The following SGCZ variants were observed in gnomAD, a reference collection of about 807,000 sequenced individuals.
SGCZ encodes the protein zeta-sarcoglycan.
SGCZ carries 40 observed loss-of-function variants against 41.3 expected under a neutral mutation model. The ratio of observed to expected loss-of-function variants is 0.97; its 90% CI spans 0.75 to 1.26. The LOEUF is 1.26. Ranked by LOEUF, SGCZ falls within the 50% of genes most tolerant of loss-of-function variation. SGCZ has a pLI of 0.00. For missense variants in SGCZ, 552 were observed against 369.8 expected (o/e 1.49, Z -4.04); for synonymous variants, 206 against 137.5 (o/e 1.50, Z -3.49).
At chr8:14,165,312 T>C (rs756588810) in intron 4 of SGCZ, 2 of 152,174 alleles carry the variant, frequency 1.3e-5, no homozygotes, top group Non-Finnish European at 2.9e-5. Context: ...ATCAATAATT[T>C]TCCTGATTTA....
At chr8:14,626,845 C>T (rs1190433549) in intron 1 of SGCZ, among the ~76,000 whole-genome samples, 2 of 152,120 alleles carry the variant, frequency 1.3e-5, no homozygotes, top group Non-Finnish European at 2.9e-5. Flanking sequence ...AATTCTATTG[C>T]TTAATCCACT....
chr8:15,165,206 G>C (rs1387955047), intron 1 of SGCZ, among the ~76,000 whole-genome samples: 1 of 152,116 alleles, frequency 6.6e-6, no homozygotes, highest in African/African-American at 2.4e-5. Context: ...AGAAATGCAT[G>C]AACCCGGGAG....
At chr8:15,225,810 T>C (rs145945722) in intron 1 of SGCZ, among the ~76,000 whole-genome samples, 3 of 152,330 alleles carry the variant, frequency 2.0e-5, no homozygotes, top group African/African-American at 7.2e-5. Context: ...CTCTGGAGAA[T>C]CATGAACAGG....
intron 2 of SGCZ, among the ~76,000 whole-genome samples, chr8:14,458,395 G>A (rs1027984526): frequency 2.6e-5 from 4 of 152,132 alleles, no homozygotes; most frequent in African/African-American, 9.7e-5. Flanking sequence ...AAGTAAAGTT[G>A]TTTCTCACAG....
At chr8:14,269,688 C>T (rs554159258) in intron 3 of SGCZ, among the ~76,000 whole-genome samples, 1 of 152,000 alleles carries the variant, frequency 6.6e-6, no homozygotes, top group Non-Finnish European at 1.5e-5. Context: ...TTCTGGAGGA[C>T]AAAATGCTAT....
intron 2 of SGCZ, among the ~76,000 whole-genome samples, chr8:14,330,609 G>A (rs1438490605): frequency 6.6e-6 from 1 of 151,530 alleles, no homozygotes; most frequent in South Asian, 2.1e-4. Flanking sequence ...AATTTAAAAT[G>A]ACTGTTTAAA....
At chr8:14,918,678 C>T (rs142480356) in intron 1 of SGCZ, among the ~76,000 whole-genome samples, 209 of 152,236 alleles carry the variant, frequency 1.4e-3, no homozygotes, top group African/African-American at 4.8e-3. Flanking sequence ...GACTCAACAA[C>T]CAATAATTTT....
chr8:15,061,067 C>T (rs1017298473), intron 1 of SGCZ, among the ~76,000 whole-genome samples: 1 of 151,632 alleles, frequency 6.6e-6, no homozygotes, highest in Non-Finnish European at 1.5e-5. Flanking sequence ...TCGTTGTTCC[C>T]TAGTTCTTCA....
intron 2 of SGCZ, 116 bp from the exon 3 acceptor site, chr8:14,324,320 G>A: frequency 2.8e-6 from 2 of 726,076 alleles, no homozygotes; most frequent in East Asian, 5.3e-5. Flanking sequence ...ATGATTTAAG[G>A]AAAATGAGAG....
Position 14,906,907 on chromosome 8 carries a change from G to T in SGCZ, c.39+330678C>A, listed in dbSNP as rs114251209. 8.9e-3 allele frequency among the ~76,000 whole-genome samples: 1,355 copies of T among 152,218 alleles called. 15 individuals are homozygous for T. Among genetic ancestry groups the T allele is most frequent in the African/African-American group, 0.031 (1,277 of 41,550 alleles). ...ATAAATTAGACAATGGCATTGTTAT[G>T]GAGTCAAAGTATTTTCAAATACATA... On this transcript the variant is annotated intron_variant, in intron 1 of 7. Transcript: ENST00000382080.
At chr8:14,351,670 C>T (rs1009497351) in intron 2 of SGCZ, among the ~76,000 whole-genome samples, 4 of 151,708 alleles carry the variant, frequency 2.6e-5, no homozygotes, top group African/African-American at 9.7e-5. Flanking sequence ...GATGATAACA[C>T]AAAGAATTTT....
chr8:15,100,610 T>C (rs980688904), intron 1 of SGCZ, among the ~76,000 whole-genome samples: 1 of 152,160 alleles, frequency 6.6e-6, no homozygotes, highest in African/African-American at 2.4e-5. Flanking sequence ...AATGTTTATT[T>C]GAAAAGGTAA....
chr8:14,768,933 G>C (rs1389690657), intron 1 of SGCZ, among the ~76,000 whole-genome samples: 1 of 151,956 alleles, frequency 6.6e-6, no homozygotes, highest in Non-Finnish European at 1.5e-5. Context: ...GGAACTGGCA[G>C]CATTATAGAT....
At chr8:14,306,174 T>G (rs72603999) in intron 3 of SGCZ, among the ~76,000 whole-genome samples, 31,125 of 152,156 alleles carry the variant, frequency 0.2, 3,418 homozygotes, top group East Asian at 0.33. Flanking sequence ...TTTTAGAAAA[T>G]TAAACTATTT....
At chr8:15,026,964 G>C (rs1036788325) in intron 1 of SGCZ, among the ~76,000 whole-genome samples, 6 of 152,074 alleles carry the variant, frequency 3.9e-5, no homozygotes, top group African/African-American at 1.4e-4. Context: ...CCTTTTCAAA[G>C]AAAAATACTT....
intron 1 of SGCZ, among the ~76,000 whole-genome samples, chr8:14,582,621 T>C (rs184774133): frequency 0.021 from 3,079 of 150,048 alleles, 121 homozygotes; most frequent in African/African-American, 0.071. Context: ...ACTCGTCATT[T>C]AGCATTAGGT....
In SGCZ at chr8:14,408,132, G is replaced by A. The variant is rs76331337; in HGVS notation, c.235-83928C>T. Among the ~76,000 whole-genome samples, 11 of 152,212 alleles carry A rather than the reference G, an allele frequency of 7.2e-5. No homozygotes were observed. The East Asian group carries it at 2.1e-3, about 29-fold the overall frequency. On this transcript the variant is annotated intron_variant, in intron 2 of 7. Transcript: ENST00000382080. ...ACTTCAATAGCATGTGTAGGGCAGA[G>A]TAGTAGAAATTAAAAGAAAAATTAT...
At chr8:15,204,620 C>T (rs531121927) in intron 1 of SGCZ, among the ~76,000 whole-genome samples, 43 of 152,226 alleles carry the variant, frequency 2.8e-4, no homozygotes, top group Middle Eastern at 3.4e-3. Context: ...ACTCTCATAG[C>T]ACTTCACAAG....
At chr8:14,385,758 C>G (rs1307429835) in intron 2 of SGCZ, among the ~76,000 whole-genome samples, 1 of 151,994 alleles carries the variant, frequency 6.6e-6, no homozygotes, top group Non-Finnish European at 1.5e-5. Flanking sequence ...AAAACAAAAT[C>G]CAGGAAGAAT....
Sources: gnomAD v4.1 joint callset for allele counts (sites outside exome capture counted in the v4.1 genomes callset) on GRCh38, gnomAD v4.1.1 for gene constraint, MANE v1.5 for transcripts, NCBI Gene and HGNC (gene_info 2026-07-23, HGNC 2026-07-21) for gene names.